Variants in TRAF3IP2 observed in about 807,000 individuals in gnomAD.
TRAF3IP2 encodes the protein E3 ubiquitin ligase TRAF3IP2.
In TRAF3IP2, 35 loss-of-function variants were observed where a neutral mutation model predicts 57.9. That is an observed-to-expected ratio of 0.60 (90% CI 0.46 to 0.80). TRAF3IP2 has a LOEUF of 0.80. Ranked by LOEUF, TRAF3IP2 falls within the 30% of genes least tolerant of loss-of-function variation. TRAF3IP2 has a pLI of 0.00. For missense variants in TRAF3IP2, 556 were observed against 706.4 expected (o/e 0.79, Z 2.41); for synonymous variants, 251 against 268.9 (o/e 0.93, Z 0.65).
chr6:111,580,306 T>TG lies in TRAF3IP2; in HGVS notation c.912_913insC (p.Arg305GlnfsTer46). ...ACCTTCTGCACAGGGTGCAGGCCTC[T>TG]CACACTGGCTCCAGGCAGGGGCTGC... On this transcript the variant is annotated frameshift_variant, in exon 3 of 9. Transcript: ENST00000368761. LOFTEE classifies it high-confidence loss of function. 1 of 1,609,086 alleles carries TG rather than the reference T, an allele frequency of 6.2e-7. No homozygotes were observed. Among genetic ancestry groups the TG allele is most frequent in the Non-Finnish European group, 8.5e-7 (1 of 1,178,614 alleles).
rs553299671 is a variant in TRAF3IP2 at position 111,581,294 on chromosome 6, A to C, written c.830-905T>G. Among the ~76,000 whole-genome samples, 4 of 152,298 alleles carry C rather than the reference A, an allele frequency of 2.6e-5. No homozygotes were observed. In the South Asian group the frequency reaches 8.3e-4, roughly 32 times the overall value. On this transcript the variant is annotated intron_variant, in intron 2 of 8. Transcript: ENST00000368761. ...GCCCAAAGGGGGTAAGGTGTTGGGA[A>C]ATACGAGAGATGCAAGAGGACTGAA... is the stretch of plus-strand genomic sequence containing the variant.
chr6:111,585,537 G>GA (rs142117885), intron 2 of TRAF3IP2, among the ~76,000 whole-genome samples: 16,572 of 152,198 alleles, frequency 0.11, 1,212 homozygotes, highest in Middle Eastern at 0.22. Flanking sequence ...AATAAATGGA[G>GA]AGAGAAAGAG....
At chr6:111,580,086 C>T in intron 3 of TRAF3IP2, 111 bp downstream of exon 3, 1 of 1,266,514 alleles carries the variant, frequency 7.9e-7, no homozygotes, top group South Asian at 1.4e-5. Context: ...ATGTGACTTG[C>T]TCACTAACGT....
Position 111,591,982 on chromosome 6 carries a change from A to AGGT in TRAF3IP2, c.102_104dup (p.Pro35dup), listed in dbSNP as rs142054894. The stretch of plus-strand genomic sequence containing the variant: ...GTGCCATGTTCCTTATATTTGGAGC[A>AGGT]GGTGGTTCTGATTCCTCTTCCGGGG... On this transcript the variant is annotated inframe_insertion, in exon 2 of 9. Transcript: ENST00000368761. The surrounding 1 kb of genome is among the most constrained non-coding windows in gnomAD (Gnocchi z 4.9). 3.4e-3 allele frequency: 5,417 copies of AGGT among 1,614,228 alleles called. 64 individuals are homozygous for AGGT. The East Asian group carries it at 0.037, about 11-fold the overall frequency.
intron 8 of TRAF3IP2, among the ~76,000 whole-genome samples, chr6:111,561,552 C>T (rs1795441633): frequency 6.6e-6 from 1 of 152,048 alleles, no homozygotes; most frequent in Non-Finnish European, 1.5e-5. Context: ...GCAGACGGAA[C>T]AGAAAAGGCA....
chr6:111,591,214 A>T lies in TRAF3IP2; in HGVS notation c.829+44T>A. On this transcript the variant is annotated intron_variant, in intron 2 of 8. Coordinates refer to ENST00000368761, the MANE Select transcript of TRAF3IP2 (RefSeq NM_147686.4). The surrounding 1 kb of genome is among the most constrained non-coding windows in gnomAD (Gnocchi z 4.9). ...ATTGATGTGAGGCCCTTGTTTCTTCAGTCACCCAGCCCAGAATGCCCAGAG... is the reference window on the plus strand; with the variant it reads ...ATTGATGTGAGGCCCTTGTTTCTTCTGTCACCCAGCCCAGAATGCCCAGAG... 1 of 1,416,270 alleles carries T rather than the reference A, an allele frequency of 7.1e-7. No homozygotes were observed. Among genetic ancestry groups the T allele is most frequent in the Non-Finnish European group, 9.4e-7 (1 of 1,068,910 alleles). 87.7% of individuals were successfully genotyped at this position (1,416,270 alleles called of 1,614,324 possible).
chr6:111,580,877 C>A (rs906525750), intron 2 of TRAF3IP2, among the ~76,000 whole-genome samples: 3 of 152,236 alleles, frequency 2.0e-5, no homozygotes, highest in African/African-American at 4.8e-5. Context: ...CACACACACC[C>A]CACTCTCCTC....
chr6:111,572,651 G>A (rs1795864904), intron 5 of TRAF3IP2: 2 of 500,210 alleles, frequency 4.0e-6, no homozygotes, highest in African/African-American at 1.9e-5. Flanking sequence ...CATTAGCACT[G>A]ATCTTGCTGT....
chr6:111,584,786 A>G (rs573734744), intron 2 of TRAF3IP2, among the ~76,000 whole-genome samples: 1 of 152,352 alleles, frequency 6.6e-6, no homozygotes, highest in East Asian at 1.9e-4. Flanking sequence ...GGTACTATAC[A>G]TGTAAAATAA....
In TRAF3IP2 at chr6:111,567,604, G is replaced by C; in HGVS notation, c.1359+20C>G. 1 of 1,594,268 alleles carries C rather than the reference G, an allele frequency of 6.3e-7. No homozygotes were observed. The highest frequency in any genetic ancestry group is 1.2e-5 in the South Asian group (1 of 86,432). ...TCTTTCTCACCAGAAAACAAACTCT[G>C]GTTTTTGGAATGTACTTACATCCCT... is the stretch of plus-strand genomic sequence containing the variant. On this transcript the variant is annotated intron_variant, in intron 6 of 8. Coordinates refer to ENST00000368761, the MANE Select transcript of TRAF3IP2 (RefSeq NM_147686.4).
intron 1 of TRAF3IP2, among the ~76,000 whole-genome samples, chr6:111,596,183 T>G (rs931006996): frequency 1.3e-5 from 2 of 152,256 alleles, no homozygotes; most frequent in African/African-American, 4.8e-5. Context: ...TATTACTGTC[T>G]TATATATTAC....
chr6:111,595,378 A>C (rs1796649713), intron 1 of TRAF3IP2, among the ~76,000 whole-genome samples: 1 of 152,266 alleles, frequency 6.6e-6, no homozygotes, highest in African/African-American at 2.4e-5. Context: ...TGGTGTTTCA[A>C]ACATGTCACT....
intron 1 of TRAF3IP2, 80 bp from the exon 2 acceptor site, chr6:111,592,174 T>A: frequency 8.5e-7 from 1 of 1,182,890 alleles, no homozygotes; most frequent in Non-Finnish European, 1.2e-6. Flanking sequence ...TTAAGGGACC[T>A]CATTCAAGAT....
intron 1 of TRAF3IP2, among the ~76,000 whole-genome samples, chr6:111,597,584 T>G (rs1359149736): frequency 2.0e-5 from 3 of 152,242 alleles, no homozygotes; most frequent in African/African-American, 7.2e-5. Context: ...GTTTTGTCTT[T>G]AATGTCCATA....
At chr6:111,598,773 TGAAAAG>T (rs1246856385) in intron 1 of TRAF3IP2, among the ~76,000 whole-genome samples, 2 of 152,148 alleles carry the variant, frequency 1.3e-5, no homozygotes, top group East Asian at 3.8e-4. Context: ...AGATAAAAAA[TGAAAAG>T]GAAAGGCTCC....
At chr6:111,563,998 TTA>T (rs1365936820) in intron 7 of TRAF3IP2, among the ~76,000 whole-genome samples, 1 of 152,212 alleles carries the variant, frequency 6.6e-6, no homozygotes, top group Non-Finnish European at 1.5e-5. Context: ...AGACGAGGAA[TTA>T]TGTGTTTCCA....
Position 111,594,871 on chromosome 6 carries a change from G to A in TRAF3IP2, c.-8-2777C>T, listed in dbSNP as rs571591975. On this transcript the variant is annotated intron_variant, in intron 1 of 8. Coordinates refer to ENST00000368761, the MANE Select transcript of TRAF3IP2 (RefSeq NM_147686.4). ...GTCCAGCCTGCAGTGAGCCGAGATC[G>A]TGCCATGGCACTCCAGCCTGAGTGA... 6.6e-5 allele frequency among the ~76,000 whole-genome samples: 10 copies of A among 152,312 alleles called. No individual in the cohort carries two copies. In the South Asian group the frequency reaches 1.2e-3, roughly 19 times the overall value.
chr6:111,583,803 TA>T (rs1166822699), intron 2 of TRAF3IP2, among the ~76,000 whole-genome samples: 1 of 152,190 alleles, frequency 6.6e-6, no homozygotes, highest in African/African-American at 2.4e-5. Flanking sequence ...AACTGGTCCC[TA>T]GTGCCAAAAA....
In TRAF3IP2 at chr6:111,593,213, T is replaced by C. The variant is rs534632852; in HGVS notation, c.-8-1119A>G. ...GAAGAAATCCCAGAGGGTTATTCTA[T>C]GCAAGGCTAGTACACAGCATACTTC... On this transcript the variant is annotated intron_variant, in intron 1 of 8. Coordinates refer to ENST00000368761, the MANE Select transcript of TRAF3IP2 (RefSeq NM_147686.4). 2.4e-4 allele frequency among the ~76,000 whole-genome samples: 37 copies of C among 152,356 alleles called. 1 individual carries two copies. Among genetic ancestry groups the C allele is most frequent in the African/African-American group, 8.7e-4 (36 of 41,590 alleles).
Sources: gnomAD v4.1 joint callset for allele counts (sites outside exome capture counted in the v4.1 genomes callset) on GRCh38, gnomAD v4.1.1 for gene constraint, Gnocchi (gnomAD v3.1) non-coding constraint, MANE v1.5 for transcripts, NCBI Gene and HGNC (gene_info 2026-07-23, HGNC 2026-07-21) for gene names.